Variants in EYA4 observed in about 807,000 individuals in gnomAD.
EYA4 encodes the protein protein phosphatase EYA4.
In EYA4, 31 loss-of-function variants were observed where a neutral mutation model predicts 87.9. That is an observed-to-expected ratio of 0.35 (90% CI 0.27 to 0.48). EYA4 has a LOEUF of 0.48. Ranked by LOEUF, EYA4 falls within the 20% of genes least tolerant of loss-of-function variation. EYA4 has a pLI of 0.99. For synonymous variants in EYA4, 263 were observed against 270.6 expected, an observed-to-expected ratio of 0.97 and a Z score of 0.28; for missense variants, 678 against 761.4, an observed-to-expected ratio of 0.89 and a Z score of 1.29.
At chr6:133,318,776 C>A (rs1387264418) in intron 2 of EYA4, among the ~76,000 whole-genome samples, 1 of 152,146 alleles carries the variant, frequency 6.6e-6, no homozygotes, top group Admixed American at 6.6e-5. Flanking sequence ...GCCTGGTACT[C>A]TCATTTGTAT....
Position 133,529,496 on chromosome 6 carries a change from C to T in EYA4, c.*691C>T. 1 of 925,684 alleles carries T rather than the reference C, an allele frequency of 1.1e-6. No homozygotes were observed. The highest frequency in any genetic ancestry group is 2.0e-5 in the African/African-American group (1 of 50,262). The allele number at this position is 925,684 out of a possible 1,614,324, so 57.3% of individuals were successfully genotyped here. The stretch of plus-strand genomic sequence containing the variant: ...ACAGCATTTGTGTGTTACAATGTAA[C>T]TTTGGTTAAAATCTCTGTAGATAAT... On this transcript the variant is annotated 3_prime_UTR_variant, in exon 20 of 20. Coordinates refer to ENST00000355286, the MANE Select transcript of EYA4 (RefSeq NM_004100.5).
chr6:133,478,687 G>A (rs1242771069), intron 11 of EYA4, among the ~76,000 whole-genome samples: 1 of 152,114 alleles, frequency 6.6e-6, no homozygotes, highest in Admixed American at 6.6e-5. Context: ...CAGATATTTT[G>A]TCCAAATTCT....
chr6:133,305,561 A>G (rs1779740001), intron 2 of EYA4, among the ~76,000 whole-genome samples: 1 of 152,342 alleles, frequency 6.6e-6, no homozygotes, highest in African/African-American at 2.4e-5. Flanking sequence ...ACAGGGTTTA[A>G]TTCTTTTTTA....
chr6:133,319,633 TA>T (rs1239534529), intron 2 of EYA4, among the ~76,000 whole-genome samples: 6 of 152,020 alleles, frequency 3.9e-5, no homozygotes, highest in Admixed American at 2.6e-4. Context: ...TGTTCTCGCT[TA>T]AAAAAATTGT....
chr6:133,406,621 C>G (rs922196500), intron 3 of EYA4, among the ~76,000 whole-genome samples: 2 of 152,162 alleles, frequency 1.3e-5, no homozygotes, highest in Non-Finnish European at 2.9e-5. Context: ...TTCTGTGTTG[C>G]CCTCACCTAA....
intron 2 of EYA4, among the ~76,000 whole-genome samples, chr6:133,355,053 A>G (rs1783909463): frequency 6.6e-6 from 1 of 152,190 alleles, no homozygotes; most frequent in Admixed American, 6.5e-5. Context: ...ATTCAGATAA[A>G]TGGTTTTGAA....
chr6:133,431,597 T>A (rs969323421), intron 3 of EYA4, among the ~76,000 whole-genome samples: 5 of 152,214 alleles, frequency 3.3e-5, no homozygotes, highest in Non-Finnish European at 5.9e-5. Context: ...AACTTTGTTT[T>A]GAAGCCAGTG....
At chr6:133,394,284 G>GTTTTTTTTTTGT (rs1787576532) in intron 3 of EYA4, among the ~76,000 whole-genome samples, 2 of 17,874 alleles carry the variant, frequency 1.1e-4, no homozygotes, top group African/African-American at 3.0e-4. Flanking sequence ...ATAAGCTTGT[G>GTTTTTTTTTTGT]TTTTTTTTTT....
chr6:133,464,989 A>T, intron 10 of EYA4, 131 bp downstream of exon 10: 1 of 653,750 alleles, frequency 1.5e-6, no homozygotes. Flanking sequence ...ATAGCATTTC[A>T]GGATAGTAAA....
chr6:133,452,406 G>A (rs1335525770), intron 5 of EYA4, among the ~76,000 whole-genome samples: 1 of 152,092 alleles, frequency 6.6e-6, no homozygotes, highest in Admixed American at 6.5e-5. Context: ...AGCCTGAATT[G>A]CAACATATGA....
intron 3 of EYA4, among the ~76,000 whole-genome samples, chr6:133,445,063 A>C (rs901331147): frequency 6.6e-6 from 1 of 152,092 alleles, no homozygotes; most frequent in Non-Finnish European, 1.5e-5. Flanking sequence ...ATTCTTTAAA[A>C]TGCTGCTTTA....
chr6:133,286,294 A>G (rs1400585819), intron 2 of EYA4, among the ~76,000 whole-genome samples: 1 of 152,210 alleles, frequency 6.6e-6, no homozygotes, highest in Non-Finnish European at 1.5e-5. Flanking sequence ...ACTTTCTCTT[A>G]GGCATATGCA....
intron 2 of EYA4, among the ~76,000 whole-genome samples, chr6:133,327,224 C>T (rs1415057392): frequency 6.6e-6 from 1 of 151,946 alleles, no homozygotes; most frequent in East Asian, 1.9e-4. Flanking sequence ...TGCGACCTCT[C>T]CCTCCCAGGT....
intron 2 of EYA4, among the ~76,000 whole-genome samples, chr6:133,353,838 A>T (rs551621745): frequency 2.0e-5 from 3 of 152,256 alleles, no homozygotes; most frequent in South Asian, 4.1e-4. Context: ...TTAAAATGAG[A>T]TGTGCGAGTT....
intron 3 of EYA4, among the ~76,000 whole-genome samples, chr6:133,383,517 CAAAA>C (rs768724484): frequency 4.0e-4 from 18 of 45,234 alleles, no homozygotes; most frequent in South Asian, 1.5e-3. Flanking sequence ...GACTCCATCT[CAAAA>C]AAAAAAAAAA....
In EYA4 at chr6:133,241,434, T is replaced by G. The variant is rs1582711910; in HGVS notation, c.-381T>G. 1 of 152,200 alleles carries G rather than the reference T, an allele frequency of 6.6e-6. No homozygotes were observed. Among genetic ancestry groups the G allele is most frequent in the Non-Finnish European group, 1.5e-5 (1 of 68,158 alleles). 9.4% of individuals were successfully genotyped at this position (152,200 alleles called of 1,614,324 possible). ...AAGAGCTGCGGGAAAAGCCGGGGAG[T>G]GACGACTGCGGCGGCTGGGCGCGCT... is the stretch of plus-strand genomic sequence containing the variant. On this transcript the variant is annotated 5_prime_UTR_variant, in exon 1 of 20. Transcript: ENST00000355286.
At chr6:133,307,149 G>A (rs940946796) in intron 2 of EYA4, among the ~76,000 whole-genome samples, 1 of 152,316 alleles carries the variant, frequency 6.6e-6, no homozygotes, top group Admixed American at 6.5e-5. Flanking sequence ...TTCATTAGGA[G>A]CCTCCTAGCA....
At chr6:133,278,105 G>GT (rs201319102) in intron 2 of EYA4, among the ~76,000 whole-genome samples, 1,743 of 146,200 alleles carry the variant, frequency 0.012, 19 homozygotes, top group African/African-American at 0.033. Context: ...TATTTCTTCA[G>GT]TTTTTTTTTT....
chr6:133,247,833 T>A (rs1007704707), intron 1 of EYA4: 1 of 152,138 alleles, frequency 6.6e-6, no homozygotes, highest in African/African-American at 2.4e-5. Flanking sequence ...GAGTTCTCTC[T>A]AAGTGTCTTC....
Sources: gnomAD v4.1 joint callset for allele counts (sites outside exome capture counted in the v4.1 genomes callset) on GRCh38, gnomAD v4.1.1 for gene constraint, MANE v1.5 for transcripts, NCBI Gene and HGNC (gene_info 2026-07-23, HGNC 2026-07-21) for gene names.